The following MYO10 variants were observed in gnomAD, a reference collection of about 807,000 sequenced individuals.
MYO10 encodes unconventional myosin-X.
Under a neutral mutation model 257.3 loss-of-function variants are expected in MYO10, and 133 were observed. The ratio of observed to expected loss-of-function variants is 0.52; its 90% CI spans 0.45 to 0.60. The LOEUF (loss-of-function observed/expected upper bound fraction) is 0.60, where lower values mean the gene tolerates loss of function less well. MYO10 is among the 20% of genes least tolerant of loss of function. The probability of loss-of-function intolerance (pLI) is 0.00; values close to 1 mark genes in which losing one functional copy is unlikely to be tolerated. For synonymous variants in MYO10, 1,104 were observed against 1,028.6 expected (o/e 1.07, Z -1.40); for missense variants, 2,399 against 2,635.7 (o/e 0.91, Z 1.97).
intron 1 of MYO10, among the ~76,000 whole-genome samples, chr5:16,889,267 A>G (rs1000426371): frequency 6.6e-6 from 1 of 151,136 alleles, no homozygotes; most frequent in African/African-American, 2.4e-5. Flanking sequence ...TTAGCTAAGC[A>G]TGGTGGTGGG....
rs1744997311 is a variant in MYO10 at position 16,889,663 on chromosome 5, A to G, written c.22-11956T>C. ...AATGTATAAAACTGTCCCACTAAGA[A>G]CTCTCAAAAACTAGTGGGAAATCCT... On this transcript the variant is annotated intron_variant, in intron 1 of 40. Transcript: ENST00000513610. Among the ~76,000 whole-genome samples the G allele has an allele frequency of 4.0e-5, 6 of 151,876 alleles. No individual in the cohort carries two copies. In the South Asian group the frequency reaches 1.2e-3, roughly 32 times the overall value.
At chr5:16,850,298 G>A (rs1743762388) in intron 2 of MYO10, among the ~76,000 whole-genome samples, 1 of 152,016 alleles carries the variant, frequency 6.6e-6, no homozygotes. Flanking sequence ...ATTTTGAGAT[G>A]GAGTCTCACT....
chr5:16,886,176 T>A (rs1744892025), intron 1 of MYO10, among the ~76,000 whole-genome samples: 1 of 152,154 alleles, frequency 6.6e-6, no homozygotes, highest in South Asian at 2.1e-4. Context: ...GGTCAAAGGA[T>A]GCGGAGCTGA....
rs60949830 is a variant in MYO10, at chr5:16,923,663, T to TACACACAC, written c.21+12117_21+12124dup. Among the ~76,000 whole-genome samples, 378 of 140,724 alleles carry TACACACAC rather than the reference T, an allele frequency of 2.7e-3. 1 individual carries two copies. Among genetic ancestry groups the TACACACAC allele is most frequent in the African/African-American group, 8.3e-3 (317 of 38,002 alleles). 92.3% of individuals were successfully genotyped at this position (140,724 alleles called of 152,430 possible). ...AAATAATAAGCCTTAAACACGCCCATACACACACACACACACACACACACA... is the reference window on the plus strand; with the variant it reads ...AAATAATAAGCCTTAAACACGCCCATACACACACACACACACACACACACACACACACA... On this transcript the variant is annotated intron_variant, in intron 1 of 40. Transcript: ENST00000513610.
intron 2 of MYO10, among the ~76,000 whole-genome samples, chr5:16,835,125 C>G (rs1023998942): frequency 6.6e-6 from 1 of 151,738 alleles, no homozygotes; most frequent in African/African-American, 2.4e-5. Context: ...TGCAGTAAGT[C>G]GAGATTGCGT....
chr5:16,734,526 C>T (rs143019455), intron 19 of MYO10, among the ~76,000 whole-genome samples: 2 of 152,202 alleles, frequency 1.3e-5, no homozygotes, highest in Non-Finnish European at 2.9e-5. Context: ...GATGTCAGGC[C>T]GGGCATGGTG....
intron 34 of MYO10, 104 bp downstream of exon 34, chr5:16,675,927 A>C: frequency 7.5e-7 from 1 of 1,327,704 alleles, no homozygotes; most frequent in Middle Eastern, 2.1e-4. Flanking sequence ...GACGAATAAG[A>C]GAGTCTTTGA....
At chr5:16,750,406 T>A (rs3893116) in intron 19 of MYO10, among the ~76,000 whole-genome samples, 3 of 144,904 alleles carry the variant, frequency 2.1e-5, no homozygotes, top group East Asian at 2.0e-4. Flanking sequence ...AAACCCAAAT[T>A]AAAAAAAAAA....
chr5:16,775,434 G>C (rs1741184432), intron 9 of MYO10, among the ~76,000 whole-genome samples: 1 of 152,134 alleles, frequency 6.6e-6, no homozygotes, highest in African/African-American at 2.4e-5. Flanking sequence ...AAAGAATCAT[G>C]TTTTTTGTTT....
intron 3 of MYO10, among the ~76,000 whole-genome samples, chr5:16,808,355 C>T (rs959784126): frequency 2.0e-5 from 3 of 152,088 alleles, no homozygotes; most frequent in Admixed American, 1.3e-4. Context: ...CACCCATAGT[C>T]GCAGCTACTT....
chr5:16,732,118 A>G (rs1028871292), intron 19 of MYO10, among the ~76,000 whole-genome samples: 3 of 152,196 alleles, frequency 2.0e-5, no homozygotes, highest in Non-Finnish European at 4.4e-5. Flanking sequence ...TAGATCATAT[A>G]AACTTAAAAT....
At chr5:16,673,047 G>C (rs1193499660) in intron 36 of MYO10, among the ~76,000 whole-genome samples, 3 of 152,108 alleles carry the variant, frequency 2.0e-5, no homozygotes, top group Non-Finnish European at 4.4e-5. Flanking sequence ...AATAACTCAG[G>C]GTATTTTGCC....
intron 26 of MYO10, among the ~76,000 whole-genome samples, chr5:16,696,788 G>A (rs959734900): frequency 2.1e-4 from 32 of 151,656 alleles, no homozygotes; most frequent in African/African-American, 7.5e-4. Context: ...CTTGGGAGGC[G>A]GCAGTTGTGG....
Position 16,662,761 on chromosome 5 carries a change from G to A in MYO10, c.*3931C>T, listed in dbSNP as rs1450822242. On this transcript the variant is annotated 3_prime_UTR_variant, in exon 41 of 41. Transcript: ENST00000513610. Reference sequence around the variant, plus strand: ...GGGAGGTAATTGAATCATGGGGGTGGGTTTTCCCATGCTGTTCTTGTCCAT... The same window carrying A: ...GGGAGGTAATTGAATCATGGGGGTGAGTTTTCCCATGCTGTTCTTGTCCAT... 1 of 152,062 alleles carries A rather than the reference G, an allele frequency of 6.6e-6. No individual in the cohort carries two copies. Among genetic ancestry groups the A allele is most frequent in the Non-Finnish European group, 1.5e-5 (1 of 68,026 alleles). 9.4% of individuals were successfully genotyped at this position (152,062 alleles called of 1,614,324 possible).
At chr5:16,908,154 C>A (rs1269164608) in intron 1 of MYO10, among the ~76,000 whole-genome samples, 1 of 151,788 alleles carries the variant, frequency 6.6e-6, no homozygotes, top group Non-Finnish European at 1.5e-5. Flanking sequence ...ATCCCTTGAA[C>A]CCAGAGACAA....
At chr5:16,804,656 T>A (rs1218195150) in intron 3 of MYO10, among the ~76,000 whole-genome samples, 2 of 152,198 alleles carry the variant, frequency 1.3e-5, no homozygotes, top group African/African-American at 4.8e-5. Context: ...GAGGATCACC[T>A]GAGGTCAGGA....
chr5:16,796,442 CA>C (rs138045530), intron 3 of MYO10, among the ~76,000 whole-genome samples: 3,047 of 120,448 alleles, frequency 0.025, 133 homozygotes, highest in South Asian at 0.056. Context: ...AAAAGAAAGA[CA>C]GAAAGAAAGA....
chr5:16,788,368 C>T (rs990672912), intron 4 of MYO10, among the ~76,000 whole-genome samples: 4 of 152,208 alleles, frequency 2.6e-5, no homozygotes, highest in African/African-American at 9.6e-5. Flanking sequence ...GTGCATTTGT[C>T]AAAACTCATC....
In MYO10 at chr5:16,778,688, G is replaced by GTTT. The variant is rs55880979; in HGVS notation, c.930+854_930+856dup. ...CAGGAACACCTCTCGCTTTGCTGAG[G>GTTT]TTTTTTTTTTTTTTTTTTTTTTGAG... On this transcript the variant is annotated intron_variant, in intron 9 of 40. Transcript: ENST00000513610. 1.1e-3 allele frequency among the ~76,000 whole-genome samples: 118 copies of GTTT among 107,516 alleles called. 1 individual carries two copies. Among genetic ancestry groups the GTTT allele is most frequent in the African/African-American group, 2.8e-3 (76 of 27,286 alleles). The allele number at this position is 107,516 out of a possible 152,430, so 70.5% of individuals were successfully genotyped here. A position where few individuals can be genotyped will look rare whatever the true frequency, so the allele number is the denominator to read the frequency against.
Sources: gnomAD v4.1 joint callset for allele counts (sites outside exome capture counted in the v4.1 genomes callset) on GRCh38, gnomAD v4.1.1 for gene constraint, MANE v1.5 for transcripts, NCBI Gene and HGNC (gene_info 2026-07-23, HGNC 2026-07-21) for gene names.